ZNF677: variants seen among roughly 807,000 people sequenced by gnomAD.
ZNF677 encodes zinc finger protein 677, also known as hypothetical protein MGC48625.
ZNF677 carries 5 observed loss-of-function variants against 8.1 expected under a neutral mutation model. That is an observed-to-expected ratio of 0.62 (90% confidence interval 0.32 to 1.29). The LOEUF (loss-of-function observed/expected upper bound fraction) is 1.29, where lower values mean the gene tolerates loss of function less well. Ranked by LOEUF, ZNF677 falls within the 50% of genes most tolerant of loss-of-function variation. ZNF677 has a pLI of 0.05. For missense variants in ZNF677, 685 were observed against 685.9 expected, an observed-to-expected ratio of 1.00 and a Z score of 0.01; for synonymous variants, 221 against 225.6, an observed-to-expected ratio of 0.98 and a Z score of 0.18.
chr19:53,250,900 G>A (rs1414733375), intron 3 of ZNF677, among the ~76,000 whole-genome samples: 1 of 152,112 alleles, frequency 6.6e-6, no homozygotes, highest in Non-Finnish European at 1.5e-5. Flanking sequence ...TTCATGAGAT[G>A]GATGCACTGT....
At chr19:53,242,146 G>A (rs980021683) in intron 4 of ZNF677, 4 of 395,692 alleles carry the variant, frequency 1.0e-5, no homozygotes, top group Non-Finnish European at 1.8e-5. Flanking sequence ...TAGTCAGGCT[G>A]GTCTCGAACT....
intron 3 of ZNF677, among the ~76,000 whole-genome samples, chr19:53,248,027 C>T (rs528082203): frequency 8.3e-4 from 126 of 152,244 alleles, no homozygotes; most frequent in Non-Finnish European, 1.5e-3. Flanking sequence ...TTTCACATGC[C>T]TATCTTTTTT....
rs2090966622 is a variant in ZNF677, at chr19:53,235,645, ATTTC to A, written c.*1323_*1326del. 6.6e-6 allele frequency: 1 copy of A among 152,102 alleles called. No homozygotes were observed. The highest frequency in any genetic ancestry group is 2.1e-4 in the South Asian group (1 of 4,826). 9.4% of individuals were successfully genotyped at this position (152,102 alleles called of 1,614,324 possible). On this transcript the variant is annotated 3_prime_UTR_variant, in exon 5 of 5. Coordinates refer to ENST00000598513, the MANE Select transcript of ZNF677 (RefSeq NM_182609.4). ...AGAGGGTGACTATCATTCCCCCTCC[ATTTC>A]TTTCTACCACATATGCAGTCTCTAG...
At position 53,236,728 on chromosome 19, in the gene ZNF677, A is replaced by G; in HGVS notation, c.*244T>C. On this transcript the variant is annotated 3_prime_UTR_variant, in exon 5 of 5. Transcript: ENST00000598513. ...ATCCTGAATGTCTTCTGTTATAACC[A>G]TAATAGGGTAAATATTTTTATAAAG... 2 of 339,278 alleles carry G rather than the reference A, an allele frequency of 5.9e-6. No individual in the cohort carries two copies. Among genetic ancestry groups the G allele is most frequent in the Non-Finnish European group, 1.1e-5 (2 of 188,302 alleles). The allele number at this position is 339,278 out of a possible 1,614,324, so 21.0% of individuals were successfully genotyped here. A position where few individuals can be genotyped will look rare whatever the true frequency, so the allele number is the denominator to read the frequency against.
chr19:53,248,928 A>G lies in ZNF677; in HGVS notation c.15+2608T>C, dbSNP rs575763132. ...TTTTCTTGGAAAATTCTTATTAAGC[A>G]TACATACATATGCTTCATGGTGTCC... is the stretch of plus-strand genomic sequence containing the variant. On this transcript the variant is annotated intron_variant, in intron 3 of 4. Transcript: ENST00000598513. Among the ~76,000 whole-genome samples, 136 of 152,268 alleles carry G rather than the reference A, an allele frequency of 8.9e-4. 1 individual carries two copies. Among genetic ancestry groups the G allele is most frequent in the African/African-American group, 2.9e-3 (121 of 41,552 alleles).
rs1555811013 is a variant in ZNF677 at position 53,243,880 on chromosome 19, C to G, written c.33G>C (p.Lys11Asn). 25 of 1,602,308 alleles carry G rather than the reference C, an allele frequency of 1.6e-5. 1 individual carries two copies. The South Asian group carries it at 2.5e-4, about 16-fold the overall frequency. Residue 11 changes from lysine to asparagine, a missense_variant, in exon 4 of 5, where the codon AAG (lysine) becomes AAC (asparagine). Physicochemically the swap from Lys to Asn is moderately conservative, Grantham distance 94 (BLOSUM62 0). Coordinates refer to ENST00000598513, the MANE Select transcript of ZNF677 (RefSeq NM_182609.4). MALSQGLFTF[K>N]DVAIEFSQEE... The stretch of plus-strand genomic sequence containing the variant: ...CTTGAGAGAATTCTATGGCCACATC[C>G]TTGAATGTAAACAGTCCCTGAAATA...
chr19:53,243,500 C>T, intron 4 of ZNF677: 5 of 535,322 alleles, frequency 9.3e-6, no homozygotes, highest in Non-Finnish European at 1.6e-5. Flanking sequence ...CACTTTAAAA[C>T]GTTTTCCATA....
chr19:53,254,274 T>C (rs1322896922), intron 1 of ZNF677, among the ~76,000 whole-genome samples: 1 of 151,732 alleles, frequency 6.6e-6, no homozygotes, highest in Non-Finnish European at 1.5e-5. Flanking sequence ...TTCTGTTTCT[T>C]TCCTTTTCTT....
chr19:53,245,311 C>T (rs914710001), intron 3 of ZNF677, among the ~76,000 whole-genome samples: 1 of 151,822 alleles, frequency 6.6e-6, no homozygotes, highest in Non-Finnish European at 1.5e-5. Flanking sequence ...TTGTGCATAC[C>T]AAAAGAAACA....
intron 3 of ZNF677, among the ~76,000 whole-genome samples, chr19:53,248,808 T>C (rs2091187998): frequency 6.6e-6 from 1 of 152,210 alleles, no homozygotes. Flanking sequence ...TAAAGTTCAC[T>C]GAGTTTCCTA....
At chr19:53,238,580 C>T (rs958802071) in intron 4 of ZNF677, 23 bp from the exon 5 acceptor site, 2 of 1,516,916 alleles carry the variant, frequency 1.3e-6, no homozygotes, top group Non-Finnish European at 1.7e-6. Context: ...AAAAAAACCA[C>T]AGGCTTTCCA....
At chr19:53,243,690 G>C in intron 4 of ZNF677, 54 bp downstream of exon 4, 1 of 1,611,358 alleles carries the variant, frequency 6.2e-7, no homozygotes, top group Non-Finnish European at 8.5e-7. Flanking sequence ...AAGCACATCA[G>C]GGCCTCCCAA....
chr19:53,243,679 C>A (rs1200328757), intron 4 of ZNF677, 65 bp downstream of exon 4: 2 of 1,603,950 alleles, frequency 1.2e-6, no homozygotes, highest in South Asian at 1.1e-5. Flanking sequence ...CGGATTCAGA[C>A]AAGCACATCA....
chr19:53,237,681 C>T lies in ZNF677; in HGVS notation c.1046G>A (p.Cys349Tyr). 3.7e-6 allele frequency: 6 copies of T among 1,613,014 alleles called. No individual in the cohort carries two copies. The highest frequency in any genetic ancestry group is 1.3e-5 in the African/African-American group (1 of 75,020). Reference sequence around the variant, plus strand: ...GATAAATGCCTTACCACATTCATTACATTTGTAAGGTTTCTCTCCAGTATG... The same window carrying T: ...GATAAATGCCTTACCACATTCATTATATTTGTAAGGTTTCTCTCCAGTATG... ...RMHTGEKPYKCNECGKAFIQR... is the reference protein window; with the variant it reads ...RMHTGEKPYKYNECGKAFIQR... Residue 349 changes from cysteine to tyrosine, a missense_variant, in exon 5 of 5, where the codon TGT becomes TAT. Transcript: ENST00000598513.
At chr19:53,250,665 T>G (rs1266423697) in intron 3 of ZNF677, among the ~76,000 whole-genome samples, 1 of 152,160 alleles carries the variant, frequency 6.6e-6, no homozygotes, top group Non-Finnish European at 1.5e-5. Context: ...CACTGGAGCC[T>G]ATCAGGGATG....
chr19:53,247,129 T>C (rs1310101817), intron 3 of ZNF677, among the ~76,000 whole-genome samples: 1 of 152,232 alleles, frequency 6.6e-6, no homozygotes, highest in African/African-American at 2.4e-5. Flanking sequence ...AGAATAGTTT[T>C]ATAAGTTGTA....
Position 53,252,957 on chromosome 19 carries a change from A to C in ZNF677, c.-56+129T>G, listed in dbSNP as rs541335430. ...CCATTGTTGACCAGAAGTCTACTGA[A>C]AACATAAACAGTTGATTAACACATA... On this transcript the variant is annotated intron_variant, in intron 2 of 4. Transcript: ENST00000598513. 2.0e-5 allele frequency: 3 copies of C among 152,366 alleles called. No homozygotes were observed. The South Asian group carries it at 6.2e-4, about 32-fold the overall frequency. 9.4% of individuals were successfully genotyped at this position (152,366 alleles called of 1,614,324 possible).
chr19:53,252,507 T>C (rs1158780547), intron 2 of ZNF677, among the ~76,000 whole-genome samples: 1 of 152,228 alleles, frequency 6.6e-6, no homozygotes, highest in African/African-American at 2.4e-5. Context: ...CAGATCACCA[T>C]TCACATTCCT....
intron 4 of ZNF677, chr19:53,241,934 CTT>C (rs57694600): frequency 7.3e-3 from 2,497 of 343,632 alleles, no homozygotes; most frequent in East Asian, 0.022. Flanking sequence ...TTTTCTTTTT[CTT>C]TTTTTTTTTT....
Sources: gnomAD v4.1 joint callset for allele counts (sites outside exome capture counted in the v4.1 genomes callset) on GRCh38, gnomAD v4.1.1 for gene constraint, MANE v1.5 for transcripts, NCBI Gene and HGNC (gene_info 2026-07-23, HGNC 2026-07-21) for gene names.